HHAT: variants seen among roughly 807,000 people sequenced by gnomAD.
HHAT encodes the protein hedgehog acyltransferase.
A neutral mutation model predicts 70.8 loss-of-function variants in HHAT; 47 were observed. The ratio of observed to expected loss-of-function variants is 0.66; its 90% confidence interval spans 0.53 to 0.85. HHAT has a LOEUF of 0.85. Among genes scored for constraint, HHAT ranks in the 40% least tolerant of loss-of-function variants. HHAT has a pLI of 0.00. For missense variants in HHAT, 609 were observed against 604.8 expected (o/e 1.01, Z -0.07); for synonymous variants, 228 against 247.6 (o/e 0.92, Z 0.74).
intron 7 of HHAT, among the ~76,000 whole-genome samples, chr1:210,443,188 T>G (rs1371268690): frequency 1.3e-5 from 2 of 151,120 alleles, no homozygotes; most frequent in Non-Finnish European, 3.0e-5. Flanking sequence ...GGCTCTGTTC[T>G]GTTCCATTGA....
intron 7 of HHAT, among the ~76,000 whole-genome samples, chr1:210,453,301 G>A (rs1353139699): frequency 1.3e-5 from 2 of 152,082 alleles, no homozygotes; most frequent in African/African-American, 4.8e-5. Context: ...GAATCCTAAG[G>A]TTATTTAAAA....
intron 9 of HHAT, among the ~76,000 whole-genome samples, chr1:210,539,269 G>A (rs2095405493): frequency 6.6e-6 from 1 of 152,204 alleles, no homozygotes; most frequent in Admixed American, 6.5e-5. Flanking sequence ...GGCCTATTGA[G>A]TACTGAGAGG....
chr1:210,480,627 A>G (rs2094381131), intron 8 of HHAT, among the ~76,000 whole-genome samples: 1 of 152,048 alleles, frequency 6.6e-6, no homozygotes, highest in Non-Finnish European at 1.5e-5. Flanking sequence ...TACATCCTGC[A>G]CCCCTTGCTG....
At chr1:210,614,995 C>T (rs1045987713) in intron 10 of HHAT, among the ~76,000 whole-genome samples, 1 of 152,338 alleles carries the variant, frequency 6.6e-6, no homozygotes, top group African/African-American at 2.4e-5. Context: ...ACACTGTCTT[C>T]CACAATGGTT....
At chr1:210,592,317 A>G (rs1217101061) in intron 10 of HHAT, among the ~76,000 whole-genome samples, 1 of 151,982 alleles carries the variant, frequency 6.6e-6, no homozygotes, top group Admixed American at 6.6e-5. Flanking sequence ...TGTTCTTGGC[A>G]CTTTTGTTGA....
In HHAT at chr1:210,408,910, G is replaced by A. The variant is rs1363179347; in HGVS notation, c.684+4231G>A. On this transcript the variant is annotated intron_variant, in intron 6 of 11. Coordinates refer to ENST00000261458, the MANE Select transcript of HHAT (RefSeq NM_018194.6). The stretch of plus-strand genomic sequence containing the variant: ...ATGGTCTCACTCTGACACCCAGGTT[G>A]GAGTGCAATGGTGCAATCATAGCTC... 1.4e-4 allele frequency among the ~76,000 whole-genome samples: 21 copies of A among 152,182 alleles called. 1 individual carries two copies.
At chr1:210,438,206 G>T (rs1160362319) in intron 7 of HHAT, among the ~76,000 whole-genome samples, 1 of 150,620 alleles carries the variant, frequency 6.6e-6, no homozygotes, top group Non-Finnish European at 1.5e-5. Flanking sequence ...ATACACATGT[G>T]TATGTATCCA....
At chr1:210,457,113 G>T (rs1218378692) in intron 7 of HHAT, among the ~76,000 whole-genome samples, 1 of 152,130 alleles carries the variant, frequency 6.6e-6, no homozygotes, top group South Asian at 2.1e-4. Flanking sequence ...CCATCATGAT[G>T]ACTCTGAGCA....
At chr1:210,547,556 A>C in intron 9 of HHAT, among the ~76,000 whole-genome samples, 1 of 152,170 alleles carries the variant, frequency 6.6e-6, no homozygotes, top group East Asian at 1.9e-4. Flanking sequence ...CTGCGTATTA[A>C]GGCAGGTCCC....
chr1:210,591,288 A>G (rs1216315697), intron 10 of HHAT, among the ~76,000 whole-genome samples: 1 of 152,070 alleles, frequency 6.6e-6, no homozygotes, highest in Non-Finnish European at 1.5e-5. Context: ...ACTCCCACAA[A>G]CAAGTGAGAA....
chr1:210,500,700 T>C (rs1023621823), intron 8 of HHAT, among the ~76,000 whole-genome samples: 1 of 152,218 alleles, frequency 6.6e-6, no homozygotes, highest in Non-Finnish European at 1.5e-5. Context: ...TTCTCTCCTC[T>C]TAATCTTGCT....
intron 1 of HHAT, among the ~76,000 whole-genome samples, chr1:210,337,129 T>C (rs1247664443): frequency 6.6e-6 from 1 of 152,172 alleles, no homozygotes; most frequent in Non-Finnish European, 1.5e-5. Flanking sequence ...TTGATATCAG[T>C]GTGGGGGGAA....
rs144341395 is a variant in HHAT, at chr1:210,599,353, A to G, written c.1245+11254A>G. 5.0e-4 allele frequency among the ~76,000 whole-genome samples: 76 copies of G among 152,312 alleles called. No individual in the cohort carries two copies. In the East Asian group the frequency reaches 0.012, roughly 25 times the overall value. On this transcript the variant is annotated intron_variant, in intron 10 of 11. Transcript: ENST00000261458. ...TCTGACCCTGCTGTTACTTGGAATG[A>G]TCTTCATTAATGCCCTTGGCACCTC... is the stretch of plus-strand genomic sequence containing the variant.
intron 7 of HHAT, among the ~76,000 whole-genome samples, chr1:210,420,450 CTG>C (rs1333992679): frequency 6.6e-6 from 1 of 152,084 alleles, no homozygotes; most frequent in Non-Finnish European, 1.5e-5. Flanking sequence ...AATGCCATTT[CTG>C]TGTCTCTTGG....
At chr1:210,415,638 AGG>A (rs1325027383) in intron 6 of HHAT, among the ~76,000 whole-genome samples, 1 of 151,906 alleles carries the variant, frequency 6.6e-6, no homozygotes, top group Non-Finnish European at 1.5e-5. Flanking sequence ...AAAAGGCAAA[AGG>A]GAAATTCCTG....
intron 3 of HHAT, among the ~76,000 whole-genome samples, chr1:210,365,048 A>G (rs2088771653): frequency 6.6e-6 from 1 of 152,118 alleles, no homozygotes; most frequent in Admixed American, 6.5e-5. Context: ...TTTACGGAGG[A>G]AATGGGTCCT....
Position 210,357,596 on chromosome 1 carries a change from T to C in HHAT, c.92-5256T>C, listed in dbSNP as rs899540182. Among the ~76,000 whole-genome samples, 4 of 151,684 alleles carry C rather than the reference T, an allele frequency of 2.6e-5. No homozygotes were observed. In the South Asian group the frequency reaches 8.3e-4, roughly 32 times the overall value. ...CAGCACTTTGGGAGGCCGAGGCGGG[T>C]GGATAATGAGGTCAGGAGATCAAGA... On this transcript the variant is annotated intron_variant, in intron 2 of 11. Transcript: ENST00000261458.
chr1:210,535,952 T>C (rs2095367826), intron 9 of HHAT, among the ~76,000 whole-genome samples: 1 of 152,158 alleles, frequency 6.6e-6, no homozygotes, highest in East Asian at 1.9e-4. Context: ...TTCCAGTAAT[T>C]ATTCAACTAG....
intron 11 of HHAT, among the ~76,000 whole-genome samples, chr1:210,652,749 T>C (rs1265230527): frequency 6.6e-6 from 1 of 152,090 alleles, no homozygotes; most frequent in Non-Finnish European, 1.5e-5. Flanking sequence ...GAAATGCAAA[T>C]GTCTCTGAAG....
Sources: allele counts gnomAD v4.1 joint callset (sites outside exome capture counted in the v4.1 genomes callset), GRCh38; gene constraint gnomAD v4.1.1; transcripts MANE v1.5; gene names NCBI Gene and HGNC (gene_info 2026-07-23, HGNC 2026-07-21).